The following WASHC5 variants were observed in gnomAD, a reference collection of about 807,000 sequenced individuals.
WASHC5 encodes WASH complex subunit strumpellin.
WASHC5 carries 101 observed loss-of-function variants against 150.4 expected under a neutral mutation model. The ratio of observed to expected loss-of-function variants is 0.67; its 90% CI spans 0.57 to 0.79. WASHC5 has a LOEUF of 0.79. WASHC5 is among the 30% of genes least tolerant of loss of function. The pLI is 0.00. For synonymous variants in WASHC5, 467 were observed against 491.2 expected (o/e 0.95, Z 0.65); for missense variants, 1,195 against 1,396.3 (o/e 0.86, Z 2.30).
At chr8:125,039,243 G>A (rs1815810114) in intron 24 of WASHC5, among the ~76,000 whole-genome samples, 1 of 152,168 alleles carries the variant, frequency 6.6e-6, no homozygotes, top group South Asian at 2.1e-4. Flanking sequence ...CAAAAGCACT[G>A]ACTTGGTGAG....
At chr8:125,042,055 G>A (rs973437759) in intron 23 of WASHC5, among the ~76,000 whole-genome samples, 1 of 152,084 alleles carries the variant, frequency 6.6e-6, no homozygotes, top group African/African-American at 2.4e-5. Context: ...ACTTGCTCTC[G>A]TTTACTGCAC....
At chr8:125,083,400 A>G in intron 2 of WASHC5, 142 bp from the exon 3 acceptor site, 1 of 751,054 alleles carries the variant, frequency 1.3e-6, no homozygotes, top group South Asian at 1.8e-5. Context: ...TGAAGATAAT[A>G]GAAGCCTAGA....
chr8:125,060,525 TTTTAG>T (rs1239014782), intron 12 of WASHC5, among the ~76,000 whole-genome samples: 3 of 152,108 alleles, frequency 2.0e-5, no homozygotes, highest in African/African-American at 7.2e-5. Context: ...TTTCTGCTGC[TTTTAG>T]TTATCATTTT....
intron 18 of WASHC5, among the ~76,000 whole-genome samples, chr8:125,050,103 CTAT>C (rs1816196583): frequency 6.6e-6 from 1 of 151,980 alleles, no homozygotes; most frequent in South Asian, 2.1e-4. Context: ...ATTGAATTTA[CTAT>C]GATAATAAAG....
chr8:125,075,588 AGT>A (rs752817063), intron 7 of WASHC5, among the ~76,000 whole-genome samples: 13 of 152,180 alleles, frequency 8.5e-5, no homozygotes, highest in Non-Finnish European at 1.8e-4. Context: ...CCACACTATC[AGT>A]GTTTTCCTCT....
chr8:125,024,565 ATGG>A lies in WASHC5; in HGVS notation c.*49_*51del, dbSNP rs1586325284. On this transcript the variant is annotated 3_prime_UTR_variant, in exon 29 of 29. Coordinates refer to ENST00000318410, the MANE Select transcript of WASHC5 (RefSeq NM_014846.4). ...CTTTTCATCTTCAAATTCATTTGTG[ATGG>A]TGGGAAGATCTAAGGACAATCCTTC... 12 of 1,298,682 alleles carry A rather than the reference ATGG, an allele frequency of 9.2e-6. No homozygotes were observed. The highest frequency in any genetic ancestry group is 2.9e-5 in the African/African-American group (2 of 69,042). The allele number at this position is 1,298,682 out of a possible 1,614,324, so 80.4% of individuals were successfully genotyped here. A position where few individuals can be genotyped will look rare whatever the true frequency, so the allele number is the denominator to read the frequency against.
intron 13 of WASHC5, 32 bp downstream of exon 13, chr8:125,059,344 A>G (rs199808651): frequency 3.3e-4 from 529 of 1,613,918 alleles, no homozygotes; most frequent in Admixed American, 5.2e-4. Context: ...AGGGCCTTTC[A>G]TCTACAGCAA....
chr8:125,040,760 C>T (rs945191171), intron 23 of WASHC5: 1 of 152,190 alleles, frequency 6.6e-6, no homozygotes, highest in East Asian at 1.9e-4. Flanking sequence ...TTCCTGAGGC[C>T]TCCACAGCCA....
chr8:125,053,300 T>C (rs16900264), intron 17 of WASHC5, among the ~76,000 whole-genome samples: 1 of 152,132 alleles, frequency 6.6e-6, no homozygotes, highest in African/African-American at 2.4e-5. Context: ...ATTGGTAGAC[T>C]AGCAGAGAGA....
Position 125,049,031 on chromosome 8 carries a change from T to C in WASHC5, c.2354A>G (p.Glu785Gly). The C allele has an allele frequency of 6.2e-7, 1 of 1,613,412 alleles. No homozygotes were observed. Among genetic ancestry groups the C allele is most frequent in the Admixed American group, 1.7e-5 (1 of 59,984 alleles). The stretch of plus-strand genomic sequence containing the variant: ...CTTCGTTCTTAGAAAGTTATTACAC[T>C]CTTGCTCCACGTTGTAATTTATGAT... ...SRIINYNVEQ[E>G]CNNFLRTKIQ... The change falls in exon 19 of 29, where the codon GAG becomes GGG. Residue 785 changes from glutamate to glycine, a missense_variant. By Grantham distance (98) the Glu-to-Gly change is moderately conservative. Around this residue, in one of 3 missense-constraint regions of WASHC5, gnomAD observed 997 missense variants for 1,168.1 expected, o/e 0.85. Coordinates refer to ENST00000318410, the MANE Select transcript of WASHC5 (RefSeq NM_014846.4).
chr8:125,089,999 G>T (rs1417956191), intron 1 of WASHC5, among the ~76,000 whole-genome samples: 2 of 152,170 alleles, frequency 1.3e-5, no homozygotes, highest in Admixed American at 1.3e-4. Context: ...TGAACTCACT[G>T]CTTGTAATCT....
At chr8:125,062,294 G>A (rs187598621) in intron 11 of WASHC5, among the ~76,000 whole-genome samples, 66 of 152,228 alleles carry the variant, frequency 4.3e-4, no homozygotes, top group Middle Eastern at 3.4e-3. Flanking sequence ...ATCTTACAGG[G>A]TTGTAAGGAT....
chr8:125,090,469 T>G (rs753075296), intron 1 of WASHC5, among the ~76,000 whole-genome samples: 2 of 152,220 alleles, frequency 1.3e-5, no homozygotes, highest in Non-Finnish European at 2.9e-5. Context: ...TCAAGAACAC[T>G]TGAAGATCAG....
chr8:125,074,445 C>T (rs1456644806), intron 8 of WASHC5, among the ~76,000 whole-genome samples: 2 of 152,108 alleles, frequency 1.3e-5, no homozygotes, highest in East Asian at 1.9e-4. Flanking sequence ...AAGTATGCTC[C>T]CCAAGATTTT....
At chr8:125,082,137 AAAG>A (rs1369757725) in intron 4 of WASHC5, among the ~76,000 whole-genome samples, 1 of 152,262 alleles carries the variant, frequency 6.6e-6, no homozygotes, top group Admixed American at 6.5e-5. Context: ...TGCAAAAAGT[AAAG>A]AAGACAGAAT....
intron 23 of WASHC5, 148 bp downstream of exon 23, chr8:125,043,677 T>A: frequency 3.0e-6 from 2 of 670,650 alleles, no homozygotes; most frequent in Non-Finnish European, 5.3e-6. Flanking sequence ...ACAAAATGAA[T>A]TTTAAAATGA....
intron 26 of WASHC5, among the ~76,000 whole-genome samples, chr8:125,035,864 CAAT>C (rs1586336895): frequency 6.6e-6 from 1 of 152,160 alleles, no homozygotes; most frequent in Non-Finnish European, 1.5e-5. Context: ...AGTTAAGAAA[CAAT>C]GATTACATTT....
chr8:125,038,285 A>C (rs1815777602), intron 25 of WASHC5, among the ~76,000 whole-genome samples: 1 of 152,214 alleles, frequency 6.6e-6, no homozygotes, highest in Admixed American at 6.5e-5. Context: ...GTCTGCATCA[A>C]AATATATGAA....
chr8:125,044,010 G>A lies in WASHC5; in HGVS notation c.2752C>T (p.Pro918Ser), dbSNP rs367744328. 30 of 1,612,838 alleles carry A rather than the reference G, an allele frequency of 1.9e-5. No homozygotes were observed. The highest frequency in any genetic ancestry group is 5.0e-5 in the Admixed American group (3 of 59,998). Residue 918 changes from proline to serine, a missense_variant, in exon 22 of 29, where the codon CCC becomes TCC. Physicochemically the swap from Pro to Ser is moderately conservative, Grantham distance 74. This residue lies in a region of WASHC5 where 997 missense variants were observed against 1,168.1 expected (regional missense o/e 0.85). Coordinates refer to ENST00000318410, the MANE Select transcript of WASHC5 (RefSeq NM_014846.4). ...TLKTLMNAVSPLKSIVANSNK... is the reference protein window; with the variant it reads ...TLKTLMNAVSSLKSIVANSNK... ...CACTCACCGACAATACTTTTTAGGG[G>A]ACTGACAGCATTCATGAGGGTTTTT...
Sources: gnomAD v4.1 joint callset for allele counts (sites outside exome capture counted in the v4.1 genomes callset) on GRCh38, gnomAD v4.1.1 for gene constraint, gnomAD v4.1.1 regional missense constraint, MANE v1.5 for transcripts, NCBI Gene and HGNC (gene_info 2026-07-23, HGNC 2026-07-21) for gene names.